The following NAV3 variants were observed in gnomAD, a reference collection of about 807,000 sequenced individuals.
The protein encoded by NAV3 is neuron navigator 3.
In NAV3, 87 loss-of-function variants were observed where a neutral mutation model predicts 244.7. The observed-to-expected ratio is 0.36, with a 90% CI of 0.30 to 0.42. NAV3 has a LOEUF of 0.42. Among genes scored for constraint, NAV3 ranks in the 20% least tolerant of loss-of-function variants. The probability of loss-of-function intolerance (pLI) is 1.00; values close to 1 mark genes in which losing one functional copy is unlikely to be tolerated. For missense variants in NAV3, 2,663 were observed against 2,893.3 expected (o/e 0.92, Z 1.83); for synonymous variants, 1,126 against 1,042.2 (o/e 1.08, Z -1.55).
chr12:77,859,027 T>G (rs762790975), intron 1 of NAV3, among the ~76,000 whole-genome samples: 5 of 152,090 alleles, frequency 3.3e-5, no homozygotes, highest in Non-Finnish European at 5.9e-5. Flanking sequence ...TAATTTACTT[T>G]CACTGCAGTT....
intron 9 of NAV3, among the ~76,000 whole-genome samples, chr12:78,049,666 C>G (rs975960979): frequency 6.6e-6 from 1 of 152,148 alleles, no homozygotes; most frequent in African/African-American, 2.4e-5. Context: ...CCATCTTTCT[C>G]AGGTCATAAT....
intron 9 of NAV3, among the ~76,000 whole-genome samples, chr12:78,039,599 C>T (rs1310564740): frequency 1.3e-5 from 2 of 152,040 alleles, no homozygotes; most frequent in Non-Finnish European, 2.9e-5. Context: ...GGGCATAATT[C>T]TCTGAGAATA....
At chr12:77,917,533 T>A (rs1177177273) in intron 1 of NAV3, among the ~76,000 whole-genome samples, 2 of 152,068 alleles carry the variant, frequency 1.3e-5, no homozygotes, top group Non-Finnish European at 2.9e-5. Flanking sequence ...ATGTCTAATG[T>A]TTTGCATGTG....
chr12:78,210,310 T>C, intron 39 of NAV3, 88 bp from the exon 40 acceptor site: 2 of 1,571,050 alleles, frequency 1.3e-6, no homozygotes, highest in Non-Finnish European at 1.7e-6. Flanking sequence ...ATAAGATAGC[T>C]CTTCGGTGTG....
At chr12:77,879,903 C>G (rs747957345) in intron 1 of NAV3, among the ~76,000 whole-genome samples, 8 of 152,046 alleles carry the variant, frequency 5.3e-5, no homozygotes, top group Non-Finnish European at 1.2e-4. Flanking sequence ...TAGAGATGTG[C>G]GTTCAAATGC....
intron 3 of NAV3, among the ~76,000 whole-genome samples, chr12:77,954,052 G>T (rs953413468): frequency 6.6e-6 from 1 of 152,130 alleles, no homozygotes; most frequent in African/African-American, 2.4e-5. Context: ...GCTTATGGTG[G>T]ATGCCAGCAT....
intron 30 of NAV3, among the ~76,000 whole-genome samples, chr12:78,183,581 G>T (rs1958588860): frequency 6.6e-6 from 1 of 151,836 alleles, no homozygotes; most frequent in Admixed American, 6.6e-5. Flanking sequence ...TTTCACTATT[G>T]TGTTAATTTT....
chr12:78,044,990 G>C (rs187256463), intron 9 of NAV3, among the ~76,000 whole-genome samples: 3 of 152,208 alleles, frequency 2.0e-5, no homozygotes, highest in African/African-American at 4.8e-5. Context: ...GTGATGGAGG[G>C]CACCCTTGTG....
intron 2 of NAV3, among the ~76,000 whole-genome samples, chr12:77,708,262 A>G (rs1219881090): frequency 5.3e-5 from 8 of 152,186 alleles, no homozygotes; most frequent in Admixed American, 3.3e-4. Context: ...ATCCAGTTTC[A>G]GCTTTCTACA....
chr12:78,200,062 A>G (rs1959477725), intron 37 of NAV3, among the ~76,000 whole-genome samples: 1 of 152,108 alleles, frequency 6.6e-6, no homozygotes, highest in African/African-American at 2.4e-5. Context: ...GCATCATAAA[A>G]ATGTACTCAC....
intron 12 of NAV3, among the ~76,000 whole-genome samples, chr12:78,065,705 G>A (rs1276662383): frequency 6.6e-6 from 1 of 152,088 alleles, no homozygotes; most frequent in African/African-American, 2.4e-5. Flanking sequence ...GTTATGAAAA[G>A]GTGAAGAAGT....
intron 29 of NAV3, 46 bp from the exon 30 acceptor site, chr12:78,180,825 A>G: frequency 6.6e-7 from 1 of 1,522,610 alleles, no homozygotes; most frequent in African/African-American, 1.4e-5. Context: ...CTATTTTCTC[A>G]ATCAAACCAA....
intron 2 of NAV3, among the ~76,000 whole-genome samples, chr12:77,654,638 G>A (rs946985178): frequency 7.2e-5 from 11 of 152,128 alleles, no homozygotes; most frequent in Non-Finnish European, 8.8e-5. Flanking sequence ...ATCTGAGAAC[G>A]GGCAGACTGC....
intron 2 of NAV3, among the ~76,000 whole-genome samples, chr12:77,791,611 G>A (rs1871177786): frequency 6.6e-6 from 1 of 152,152 alleles, no homozygotes; most frequent in Non-Finnish European, 1.5e-5. Flanking sequence ...CTGAGGCTCT[G>A]CAAAGGGTAA....
At chr12:78,167,516 C>CTT (rs35389511) in intron 23 of NAV3, among the ~76,000 whole-genome samples, 5 of 144,686 alleles carry the variant, frequency 3.5e-5, no homozygotes, top group African/African-American at 7.6e-5. Context: ...TTAGCATCAT[C>CTT]TTTTTTTTTT....
chr12:77,730,208 A>C (rs1340047123), intron 2 of NAV3, among the ~76,000 whole-genome samples: 1 of 151,982 alleles, frequency 6.6e-6, no homozygotes, highest in East Asian at 1.9e-4. Flanking sequence ...GAAAATCAGG[A>C]ATAATAACTC....
intron 2 of NAV3, among the ~76,000 whole-genome samples, chr12:77,821,142 A>T (rs571512288): frequency 2.6e-5 from 4 of 151,868 alleles, no homozygotes; most frequent in African/African-American, 9.6e-5. Context: ...CAGAGTTCCT[A>T]GTAAAATGCT....
chr12:78,013,216 G>A (rs1031020851), intron 8 of NAV3, among the ~76,000 whole-genome samples: 1 of 152,072 alleles, frequency 6.6e-6, no homozygotes, highest in African/African-American at 2.4e-5. Context: ...CAAGAATTGA[G>A]TGAAAAAATC....
intron 9 of NAV3, among the ~76,000 whole-genome samples, chr12:78,028,509 G>A (rs1024610351): frequency 2.0e-5 from 3 of 152,132 alleles, no homozygotes; most frequent in African/African-American, 7.2e-5. Flanking sequence ...AGATAAGACA[G>A]CCCCTACAGG....
Sources: allele counts gnomAD v4.1 joint callset (sites outside exome capture counted in the v4.1 genomes callset), GRCh38; gene constraint gnomAD v4.1.1; transcripts MANE v1.5; gene names NCBI Gene and HGNC (gene_info 2026-07-23, HGNC 2026-07-21).